Variants in ATP8A2 observed in about 807,000 individuals in gnomAD.
ATP8A2 encodes ATPase phospholipid transporting 8A2.
In ATP8A2, 100 loss-of-function variants were observed where a neutral mutation model predicts 165.6. The observed-to-expected ratio is 0.60, with a 90% CI of 0.51 to 0.71. ATP8A2 has a LOEUF of 0.71. Among genes scored for constraint, ATP8A2 ranks in the 30% least tolerant of loss-of-function variants. The pLI is 0.00. For missense variants in ATP8A2, 1,227 were observed against 1,479.5 expected (o/e 0.83, Z 2.80); for synonymous variants, 543 against 548.8 (o/e 0.99, Z 0.15).
chr13:25,763,226 C>T (rs1417087500), intron 25 of ATP8A2, among the ~76,000 whole-genome samples: 1 of 152,176 alleles, frequency 6.6e-6, no homozygotes, highest in Non-Finnish European at 1.5e-5. Context: ...TTGTTCTTTT[C>T]TCTGTCAGCA....
At chr13:25,407,851 C>G (rs760328495) in intron 1 of ATP8A2, among the ~76,000 whole-genome samples, 1 of 152,064 alleles carries the variant, frequency 6.6e-6, no homozygotes, top group South Asian at 2.1e-4. Flanking sequence ...AGCAAACATG[C>G]CTTGGATGGC....
chr13:25,737,504 T>G (rs759977508), intron 25 of ATP8A2, among the ~76,000 whole-genome samples: 5 of 152,086 alleles, frequency 3.3e-5, no homozygotes, highest in African/African-American at 4.8e-5. Flanking sequence ...TATCGCTTTC[T>G]TTTCTGTGTG....
At chr13:25,699,416 G>T in intron 25 of ATP8A2, 71 bp downstream of exon 25, 1 of 1,168,610 alleles carries the variant, frequency 8.6e-7, no homozygotes, top group East Asian at 2.8e-5. Context: ...CAAAAGAAAG[G>T]GATGCATGGG....
chr13:25,573,122 T>C (rs1008130127), intron 18 of ATP8A2, among the ~76,000 whole-genome samples: 2 of 152,196 alleles, frequency 1.3e-5, no homozygotes, highest in African/African-American at 4.8e-5. Context: ...GAAGCTTTTT[T>C]AAAAATGAGG....
At chr13:25,462,881 C>T (rs1344569841) in intron 1 of ATP8A2, among the ~76,000 whole-genome samples, 1 of 152,176 alleles carries the variant, frequency 6.6e-6, no homozygotes, top group Non-Finnish European at 1.5e-5. Flanking sequence ...GGCTCCCTTA[C>T]AGGAACTGAA....
At chr13:25,834,409 A>G (rs545623543) in intron 28 of ATP8A2, among the ~76,000 whole-genome samples, 3 of 152,180 alleles carry the variant, frequency 2.0e-5, no homozygotes, top group Non-Finnish European at 4.4e-5. Flanking sequence ...CCTTCTTCCC[A>G]TAGAGATAAA....
chr13:25,897,926 A>T (rs1474301682), intron 33 of ATP8A2, among the ~76,000 whole-genome samples: 10 of 151,840 alleles, frequency 6.6e-5, no homozygotes, highest in Non-Finnish European at 1.2e-4. Context: ...TATTTTAGTT[A>T]TCCATTCGTC....
In ATP8A2 at chr13:25,870,362, G is replaced by T. The variant is rs1952641229; in HGVS notation, c.3183+7954G>T. On this transcript the variant is annotated intron_variant, in intron 33 of 36. Transcript: ENST00000381655. Reference sequence around the variant, plus strand: ...AACATTTGGGCAGGAAAATAAAAATGCCTGTCCTCACCTAGGTCCCTGGAC... The same window carrying T: ...AACATTTGGGCAGGAAAATAAAAATTCCTGTCCTCACCTAGGTCCCTGGAC... 2.0e-5 allele frequency among the ~76,000 whole-genome samples: 3 copies of T among 152,200 alleles called. No homozygotes were observed. The East Asian group carries it at 5.8e-4, about 29-fold the overall frequency.
In ATP8A2 at chr13:25,581,926, A is replaced by G. The variant is rs760307457; in HGVS notation, c.2115A>G (p.Thr705=). The change falls in exon 23 of 37, where the codon ACA becomes ACG. Residue 705 remains threonine (T), a synonymous_variant. Transcript: ENST00000381655. ...CAGAAATTAAAATATGGGTGTTGAC[A>G]GGAGACAAACAAGAAACTGCGATTA... The part of the protein sequence containing the change: ...LKAEIKIWVL[T]GDKQETAINI... 6 of 1,612,762 alleles carry G rather than the reference A, an allele frequency of 3.7e-6. No homozygotes were observed. In the South Asian group the frequency reaches 6.6e-5, roughly 18 times the overall value.
At chr13:25,529,961 T>C in intron 2 of ATP8A2, 38 bp from the exon 3 acceptor site, 1 of 1,178,540 alleles carries the variant, frequency 8.5e-7, no homozygotes, top group East Asian at 2.3e-5. Flanking sequence ...AGAGTTTACA[T>C]CTATAACTGA....
intron 19 of ATP8A2, among the ~76,000 whole-genome samples, chr13:25,575,810 CT>C (rs988945894): frequency 6.6e-6 from 1 of 151,980 alleles, no homozygotes; most frequent in Non-Finnish European, 1.5e-5. Context: ...AAACTGTGTG[CT>C]TCATCTTTTA....
In ATP8A2 at chr13:25,577,106, T is replaced by C. The variant is rs753848820; in HGVS notation, c.1750T>C (p.Ser584Pro). 6.2e-7 allele frequency: 1 copy of C among 1,613,966 alleles called. No individual in the cohort carries two copies. Among genetic ancestry groups the C allele is most frequent in the African/African-American group, 1.3e-5 (1 of 74,914 alleles). The change falls in exon 20 of 37, where the codon TCA becomes CCA. Residue 584 changes from serine to proline, a missense_variant. By Grantham distance (74) the Ser-to-Pro change is moderately conservative. Transcript: ENST00000381655. ...KRMSVIVRTP[S>P]GRLRLYCKGA... Reference sequence around the variant, plus strand: ...AATGTCTGTAATTGTTCGAACTCCTTCAGGACGACTTCGGCTTTACTGTAA... The same window carrying C: ...AATGTCTGTAATTGTTCGAACTCCTCCAGGACGACTTCGGCTTTACTGTAA...
At chr13:25,994,769 T>C (rs1325307367) in intron 35 of ATP8A2, among the ~76,000 whole-genome samples, 1 of 152,166 alleles carries the variant, frequency 6.6e-6, no homozygotes, top group South Asian at 2.1e-4. Flanking sequence ...TGTTGATGAA[T>C]TGCACTTACT....
intron 24 of ATP8A2, among the ~76,000 whole-genome samples, chr13:25,690,781 T>C (rs767439765): frequency 1.3e-5 from 2 of 152,132 alleles, no homozygotes; most frequent in Non-Finnish European, 2.9e-5. Context: ...TTCTGGAAGG[T>C]TAAACATGCA....
At chr13:25,652,289 C>A (rs766613267) in intron 24 of ATP8A2, among the ~76,000 whole-genome samples, 5 of 152,154 alleles carry the variant, frequency 3.3e-5, no homozygotes, top group Non-Finnish European at 7.3e-5. Flanking sequence ...TGTTCCAGCG[C>A]CATTCATTGA....
At chr13:25,648,091 CAT>C (rs2041721814) in intron 24 of ATP8A2, among the ~76,000 whole-genome samples, 1 of 152,068 alleles carries the variant, frequency 6.6e-6, no homozygotes, top group Admixed American at 6.6e-5. Context: ...CCATAATTTT[CAT>C]AGTCTTTCTT....
chr13:25,797,464 AAAT>A (rs1390705452), intron 27 of ATP8A2, among the ~76,000 whole-genome samples: 2 of 152,180 alleles, frequency 1.3e-5, no homozygotes, highest in African/African-American at 2.4e-5. Flanking sequence ...TTAAAAAATA[AAAT>A]AATAATTTAC....
intron 35 of ATP8A2, among the ~76,000 whole-genome samples, chr13:25,987,012 A>G (rs1473656110): frequency 1.3e-5 from 2 of 152,232 alleles, no homozygotes; most frequent in Non-Finnish European, 2.9e-5. Flanking sequence ...ATTTTTACAG[A>G]TGATCTAGAG....
At chr13:25,513,384 A>C (rs1170818916) in intron 2 of ATP8A2, among the ~76,000 whole-genome samples, 1 of 149,184 alleles carries the variant, frequency 6.7e-6, no homozygotes, top group Admixed American at 6.7e-5. Context: ...GACGCTTCTC[A>C]CTTCCTAGAT....
Sources: gnomAD v4.1 joint callset for allele counts (sites outside exome capture counted in the v4.1 genomes callset) on GRCh38, gnomAD v4.1.1 for gene constraint, MANE v1.5 for transcripts, NCBI Gene and HGNC (gene_info 2026-07-23, HGNC 2026-07-21) for gene names.